LAMC2: variants seen among roughly 807,000 people sequenced by gnomAD.
The protein encoded by LAMC2 is laminin subunit gamma 2, also known as laminin subunit gamma-2.
Under a neutral mutation model 140.2 loss-of-function variants are expected in LAMC2, and 97 were observed. That is an observed-to-expected ratio of 0.69 (90% CI 0.59 to 0.82). The LOEUF is 0.82. Ranked by LOEUF, LAMC2 falls within the 40% of genes least tolerant of loss-of-function variation. LAMC2 has a pLI of 0.00. For missense variants in LAMC2, 1,402 were observed against 1,476.1 expected, an observed-to-expected ratio of 0.95 and a Z score of 0.82; for synonymous variants, 513 against 540.2, an observed-to-expected ratio of 0.95 and a Z score of 0.70.
chr1:183,228,416 C>G lies in LAMC2; in HGVS notation c.1511C>G (p.Pro504Arg), dbSNP rs1382359762. 1.2e-6 allele frequency: 2 copies of G among 1,614,036 alleles called. No homozygotes were observed. Among genetic ancestry groups the G allele is most frequent in the Non-Finnish European group, 1.7e-6 (2 of 1,180,014 alleles). ...ELCADGYFGD[P>R]FGEHGPVRPC... ...TGTGCTGATGGCTACTTTGGGGACC[C>G]CTTTGGTGAACATGGCCCAGTGAGG... Residue 504 changes from proline (P) to arginine (R), a missense_variant, in exon 11 of 23, where the codon CCC becomes CGC. Physicochemically the swap from Pro to Arg is moderately radical, Grantham distance 103. Transcript: ENST00000264144. This position sits in a 1 kb window ranked among gnomAD's most constrained non-coding sequence, Gnocchi z 4.3.
At chr1:183,199,092 C>CTTTTCTT (rs1658618349) in intron 1 of LAMC2, among the ~76,000 whole-genome samples, 1 of 115,870 alleles carries the variant, frequency 8.6e-6, no homozygotes, top group African/African-American at 3.6e-5. Flanking sequence ...TTCTTGTTGG[C>CTTTTCTT]TTTTCTTTTT....
downstream of LAMC2, among the ~76,000 whole-genome samples, chr1:183,245,675 G>A (rs1422438457): frequency 1.3e-5 from 2 of 152,232 alleles, no homozygotes; most frequent in Non-Finnish European, 2.9e-5. Flanking sequence ...TCTGGAAGAT[G>A]TAGTCCTTTG....
Position 183,240,103 on chromosome 1 carries a change from G to C in LAMC2, c.3133G>C (p.Gly1045Arg). The C allele has an allele frequency of 6.2e-7, 1 of 1,614,176 alleles. No homozygotes were observed. The highest frequency in any genetic ancestry group is 1.3e-5 in the African/African-American group (1 of 75,040). The change falls in exon 21 of 23, where the codon GGA becomes CGA. Residue 1045 changes from glycine (G) to arginine (R), a missense_variant. Around this residue, in one of 3 missense-constraint regions of LAMC2, gnomAD observed 670 missense variants for 667.2 expected, o/e 1.00. Coordinates refer to ENST00000264144, the MANE Select transcript of LAMC2 (RefSeq NM_005562.3). The part of the protein sequence containing the change: ...TADGALAMEK[G>R]LASLKSEMRE... ...AGATGGAGCCTTGGCCATGGAAAAG[G>C]GACTGGCCTCTCTGAAGAGTGAGAT...
intron 15 of LAMC2, 53 bp from the exon 16 acceptor site, chr1:183,235,522 A>C: frequency 4.4e-6 from 7 of 1,606,604 alleles, no homozygotes; most frequent in Non-Finnish European, 6.0e-6. Context: ...TGAACAACCT[A>C]AAGGAAGCCC....
At chr1:183,213,402 G>C (rs964821715) in intron 2 of LAMC2, among the ~76,000 whole-genome samples, 1 of 152,120 alleles carries the variant, frequency 6.6e-6, no homozygotes, top group Non-Finnish European at 1.5e-5. Flanking sequence ...AATTCTACTA[G>C]TAAATTAAAA....
At chr1:183,232,913 T>C (rs1254973518) in intron 14 of LAMC2, 56 bp downstream of exon 14, 7 of 1,479,108 alleles carry the variant, frequency 4.7e-6, no homozygotes, top group Non-Finnish European at 6.6e-6. Flanking sequence ...GAGACCTACT[T>C]GTAGATCTCA....
downstream of LAMC2, among the ~76,000 whole-genome samples, chr1:183,247,220 G>A (rs1215391363): frequency 1.3e-5 from 2 of 152,174 alleles, no homozygotes; most frequent in African/African-American, 4.8e-5. Flanking sequence ...CCTGAGGCAG[G>A]AGAATCACTT....
chr1:183,196,168 A>G (rs1286394411), intron 1 of LAMC2, among the ~76,000 whole-genome samples: 5 of 149,308 alleles, frequency 3.3e-5, no homozygotes, highest in Admixed American at 2.0e-4. Context: ...ATGGAGTTTC[A>G]CTCTTGTTGC....
rs892154220 is a variant in LAMC2 at position 183,243,609 on chromosome 1, C to A, written c.*209C>A. ...TGCTTCCTGATGCTGGGCAATGAGG[C>A]AGATAGCACTGGGTGTGAGAATGAT... On this transcript the variant is annotated 3_prime_UTR_variant, in exon 23 of 23. Coordinates refer to ENST00000264144, the MANE Select transcript of LAMC2 (RefSeq NM_005562.3). The A allele has an allele frequency of 1.1e-5, 7 of 618,824 alleles. No homozygotes were observed. The highest frequency in any genetic ancestry group is 1.1e-4 in the African/African-American group (6 of 54,634). The allele number at this position is 618,824 out of a possible 1,614,324, so 38.3% of individuals were successfully genotyped here. A position where few individuals can be genotyped will look rare whatever the true frequency, so the allele number is the denominator to read the frequency against.
chr1:183,193,161 G>T (rs1658399752), intron 1 of LAMC2, among the ~76,000 whole-genome samples: 1 of 152,100 alleles, frequency 6.6e-6, no homozygotes, highest in South Asian at 2.1e-4. Context: ...AAAAATATCA[G>T]AGAACAACAG....
At chr1:183,217,869 A>G (rs1357314669) in intron 3 of LAMC2, among the ~76,000 whole-genome samples, 2 of 152,230 alleles carry the variant, frequency 1.3e-5, no homozygotes, top group Admixed American at 6.5e-5. Context: ...AGAATCAGCT[A>G]AGAACCATTG....
chr1:183,258,855 A>G, the LAMC2 span, among the ~76,000 whole-genome samples: 1 of 152,058 alleles, frequency 6.6e-6, no homozygotes, highest in Non-Finnish European at 1.5e-5. Context: ...TCTCTGACCA[A>G]TCCGCACTCC....
intron 22 of LAMC2, chr1:183,240,867 A>T (rs976141820): frequency 5.1e-6 from 1 of 194,532 alleles, no homozygotes; most frequent in African/African-American, 2.4e-5. Flanking sequence ...AAATAATTGA[A>T]GAGAGAAATG....
intron 1 of LAMC2, among the ~76,000 whole-genome samples, chr1:183,201,649 C>T (rs1271152979): frequency 6.6e-6 from 1 of 152,248 alleles, no homozygotes. Flanking sequence ...GTGGCTCACG[C>T]CTGTAATCCC....
At chr1:183,227,370 G>C in intron 9 of LAMC2, 145 bp from the exon 10 acceptor site, 1 of 816,538 alleles carries the variant, frequency 1.2e-6, no homozygotes, top group Non-Finnish European at 2.1e-6. Context: ...GGTTCTATGG[G>C]AGGGGTGAAT....
intron 1 of LAMC2, among the ~76,000 whole-genome samples, chr1:183,199,883 G>A (rs1658651462): frequency 6.6e-6 from 1 of 152,216 alleles, no homozygotes; most frequent in African/African-American, 2.4e-5. Flanking sequence ...GGTTAGTGCA[G>A]CCTAGATCTG....
At chr1:183,202,223 C>A (rs1273542635) in intron 1 of LAMC2, among the ~76,000 whole-genome samples, 1,636 of 142,354 alleles carry the variant, frequency 0.011, 9 homozygotes, top group Admixed American at 0.015. Context: ...ACAACAACAA[C>A]AAAAAAAAAA....
intron 7 of LAMC2, among the ~76,000 whole-genome samples, chr1:183,223,727 C>T (rs1020390627): frequency 6.6e-6 from 1 of 152,164 alleles, no homozygotes; most frequent in African/African-American, 2.4e-5. Flanking sequence ...AAATGCAATG[C>T]TTGAAGAAGG....
At chr1:183,236,398 A>C (rs1659963093) in intron 16 of LAMC2, 62 bp from the exon 17 acceptor site, 1 of 1,512,582 alleles carries the variant, frequency 6.6e-7, no homozygotes, top group Non-Finnish European at 9.0e-7. Flanking sequence ...CAAAAAAAAA[A>C]AAAAAAAAGA....
Sources: gnomAD v4.1 joint callset for allele counts (sites outside exome capture counted in the v4.1 genomes callset) on GRCh38, gnomAD v4.1.1 for gene constraint, gnomAD v4.1.1 regional missense constraint, Gnocchi (gnomAD v3.1) non-coding constraint, MANE v1.5 for transcripts, NCBI Gene and HGNC (gene_info 2026-07-23, HGNC 2026-07-21) for gene names.